Variants in FBXW11 observed in about 807,000 individuals in gnomAD.
The protein encoded by FBXW11 is F-box/WD repeat-containing protein 11.
A neutral mutation model predicts 77.6 loss-of-function variants in FBXW11; 19 were observed. The ratio of observed to expected loss-of-function variants is 0.24; its 90% confidence interval spans 0.17 to 0.36. FBXW11 has a LOEUF of 0.36. Ranked by LOEUF, FBXW11 falls within the 10% of genes least tolerant of loss-of-function variation. The pLI is 1.00. For synonymous variants in FBXW11, 235 were observed against 249.4 expected (o/e 0.94, Z 0.54); for missense variants, 334 against 704.2 (o/e 0.47, Z 5.95).
chr5:171,901,227 T>C (rs112979862), intron 4 of FBXW11, among the ~76,000 whole-genome samples: 9 of 152,230 alleles, frequency 5.9e-5, no homozygotes, highest in African/African-American at 1.9e-4. Context: ...AAACATTTTA[T>C]AGACAAGCAC....
intron 1 of FBXW11, among the ~76,000 whole-genome samples, chr5:171,979,957 T>G (rs1039064600): frequency 3.3e-5 from 5 of 152,190 alleles, no homozygotes; most frequent in African/African-American, 1.2e-4. Flanking sequence ...TAGAACTTTT[T>G]AAAAGAGGCA....
intron 2 of FBXW11, among the ~76,000 whole-genome samples, chr5:171,944,655 A>G (rs1581236656): frequency 1.3e-5 from 2 of 151,572 alleles, no homozygotes; most frequent in Non-Finnish European, 2.9e-5. Context: ...GTGGTTTCTC[A>G]TTTTTCTTTC....
At chr5:171,966,559 C>A (rs944303406) in intron 1 of FBXW11, among the ~76,000 whole-genome samples, 8 of 152,126 alleles carry the variant, frequency 5.3e-5, no homozygotes, top group Non-Finnish European at 8.8e-5. Context: ...GTACTAGGAC[C>A]AGCGTGAGGT....
intron 1 of FBXW11, among the ~76,000 whole-genome samples, chr5:171,974,670 G>GAC (rs1042399767): frequency 5.9e-5 from 9 of 152,030 alleles, no homozygotes; most frequent in Non-Finnish European, 1.3e-4. Context: ...AGTGTGCTAC[G>GAC]ACTGCACCTA....
chr5:171,872,017 C>T (rs1757780756), intron 10 of FBXW11, among the ~76,000 whole-genome samples: 1 of 152,124 alleles, frequency 6.6e-6, no homozygotes, highest in African/African-American at 2.4e-5. Context: ...AAGCTCTAAA[C>T]TAAATTTATG....
At chr5:171,974,755 T>C (rs1764728378) in intron 1 of FBXW11, among the ~76,000 whole-genome samples, 1 of 152,070 alleles carries the variant, frequency 6.6e-6, no homozygotes, top group Admixed American at 6.6e-5. Context: ...GAGATATCAT[T>C]GTCAAAAAAA....
chr5:171,893,522 G>C lies in FBXW11; in HGVS notation c.715-1918C>G, dbSNP rs139578336. On this transcript the variant is annotated intron_variant, in intron 6 of 13. Coordinates refer to ENST00000517395, the MANE Select transcript of FBXW11 (RefSeq NM_001378974.1). ...CCGGATAAGCGACTTTTTAAAAAGA[G>C]GTCCAGAATACAGGCATTTCTTAAG... 7.0e-3 allele frequency among the ~76,000 whole-genome samples: 1,008 copies of C among 143,942 alleles called. 14 individuals are homozygous for C. The highest frequency in any genetic ancestry group is 0.024 in the African/African-American group (960 of 39,728). The allele number at this position is 143,942 out of a possible 152,430, so 94.4% of individuals were successfully genotyped here.
chr5:171,939,329 GA>G (rs1157337026), intron 2 of FBXW11, among the ~76,000 whole-genome samples: 1 of 152,140 alleles, frequency 6.6e-6, no homozygotes, highest in Non-Finnish European at 1.5e-5. Flanking sequence ...CTTAATGGAA[GA>G]GGGTGAAAAC....
chr5:172,005,571 A>G (rs1354207107), intron 1 of FBXW11, among the ~76,000 whole-genome samples: 2 of 152,182 alleles, frequency 1.3e-5, no homozygotes, highest in African/African-American at 2.4e-5. Context: ...GAGGGTGTCC[A>G]CGGACCGGGA....
intron 2 of FBXW11, among the ~76,000 whole-genome samples, chr5:171,938,555 A>G (rs2113150272): frequency 6.6e-6 from 1 of 152,360 alleles, no homozygotes. Flanking sequence ...TCTGGTGGGA[A>G]GGCAAATGTG....
At position 171,863,077 on chromosome 5, in the gene FBXW11, C is replaced by T. The variant is rs1168703822; in HGVS notation, c.*1050G>A. ...TCTCTATTGTATAATATATACTCCACAACAAATAAAACATTTTGGTGTTAA... is the reference window on the plus strand; with the variant it reads ...TCTCTATTGTATAATATATACTCCATAACAAATAAAACATTTTGGTGTTAA... On this transcript the variant is annotated 3_prime_UTR_variant, in exon 14 of 14. Transcript: ENST00000517395. 2 of 152,584 alleles carry T rather than the reference C, an allele frequency of 1.3e-5. No individual in the cohort carries two copies. The highest frequency in any genetic ancestry group is 4.8e-5 in the African/African-American group (2 of 41,442). 9.5% of individuals were successfully genotyped at this position (152,584 alleles called of 1,614,324 possible).
rs1178304590 is a variant in FBXW11, at chr5:171,997,037, C to T, written c.45+9421G>A. On this transcript the variant is annotated intron_variant, in intron 1 of 13. Transcript: ENST00000517395. ...CAGCTTTCTTCAACAAAATCCCAAACATGCACTTCGGTAACTGTTGAAAGA... is the reference window on the plus strand; with the variant it reads ...CAGCTTTCTTCAACAAAATCCCAAATATGCACTTCGGTAACTGTTGAAAGA... The T allele has an allele frequency of 2.3e-6, 3 of 1,289,738 alleles. No individual in the cohort carries two copies. The Admixed American group carries it at 6.9e-5, about 30-fold the overall frequency. The allele number at this position is 1,289,738 out of a possible 1,614,324, so 79.9% of individuals were successfully genotyped here.
intron 1 of FBXW11, among the ~76,000 whole-genome samples, chr5:171,985,574 A>T (rs1765391152): frequency 6.6e-6 from 1 of 152,164 alleles, no homozygotes; most frequent in Non-Finnish European, 1.5e-5. Context: ...TGTGCAACAC[A>T]GCAAGACTTC....
At chr5:171,878,159 GATTAATTATACTAT>G in intron 7 of FBXW11, 30 bp from the exon 8 acceptor site, 1 of 1,449,812 alleles carries the variant, frequency 6.9e-7, no homozygotes, top group Non-Finnish European at 9.7e-7. Flanking sequence ...CACAAACGAT[GATTAATTATACTAT>G]ATTTTGATGA....
intron 6 of FBXW11, among the ~76,000 whole-genome samples, chr5:171,893,159 G>A (rs191301807): frequency 9.2e-5 from 14 of 152,010 alleles, no homozygotes; most frequent in East Asian, 1.9e-4. Context: ...CTTAAAAAGC[G>A]ATTATTTCCA....
chr5:171,989,611 G>A (rs1296321374), intron 1 of FBXW11, among the ~76,000 whole-genome samples: 1 of 152,208 alleles, frequency 6.6e-6, no homozygotes, highest in African/African-American at 2.4e-5. Context: ...AAGACAACCA[G>A]AGCTGGTCTC....
In FBXW11 at chr5:171,957,028, G is replaced by A. The variant is rs142301564; in HGVS notation, c.147+569C>T. ...TCTGCCGGCCTCGGCCTGGAAAACT[G>A]GGTGGACCCTGAGGACAGGTGTCAG... On this transcript the variant is annotated intron_variant, in intron 2 of 13. Transcript: ENST00000517395. Among the ~76,000 whole-genome samples the A allele has an allele frequency of 2.0e-4, 30 of 152,318 alleles. 1 individual carries two copies. In the East Asian group the frequency reaches 5.8e-3, roughly 29 times the overall value.
In FBXW11 at chr5:171,909,117, A is replaced by G. The variant is rs1455643553; in HGVS notation, c.436+1455T>C. On this transcript the variant is annotated intron_variant, in intron 4 of 13. Transcript: ENST00000517395. ...AATTTAAATTGAGAATTTTTTAAAA[A>G]ACAATATAGAAACAGAAAAAAATTC... Among the ~76,000 whole-genome samples, 3 of 152,334 alleles carry G rather than the reference A, an allele frequency of 2.0e-5. No homozygotes were observed. In the East Asian group the frequency reaches 5.8e-4, roughly 29 times the overall value.
At chr5:171,903,037 C>G (rs1480204961) in intron 4 of FBXW11, among the ~76,000 whole-genome samples, 1 of 152,202 alleles carries the variant, frequency 6.6e-6, no homozygotes, top group South Asian at 2.1e-4. Context: ...TTGTTTTCAA[C>G]TCTTTCAATT....
Sources: gnomAD v4.1 joint callset for allele counts (sites outside exome capture counted in the v4.1 genomes callset) on GRCh38, gnomAD v4.1.1 for gene constraint, MANE v1.5 for transcripts, NCBI Gene and HGNC (gene_info 2026-07-23, HGNC 2026-07-21) for gene names.